The following GRM7 variants were observed in gnomAD, a reference collection of about 807,000 sequenced individuals.
The protein encoded by GRM7 is metabotropic glutamate receptor 7.
A neutral mutation model predicts 84.5 loss-of-function variants in GRM7; 35 were observed. The ratio of observed to expected loss-of-function variants is 0.41; its 90% confidence interval spans 0.32 to 0.55. The LOEUF is 0.55. Ranked by LOEUF, GRM7 falls within the 20% of genes least tolerant of loss-of-function variation. The pLI is 0.19. For synonymous variants in GRM7, 487 were observed against 455.1 expected (o/e 1.07, Z -0.89); for missense variants, 1,003 against 1,194.6 (o/e 0.84, Z 2.36).
At chr3:7,425,953 C>A (rs1217167719) in intron 5 of GRM7, among the ~76,000 whole-genome samples, 3 of 152,050 alleles carry the variant, frequency 2.0e-5, no homozygotes, top group Admixed American at 1.3e-4. Context: ...TCAATAGATT[C>A]TTTCTTTCCT....
intron 1 of GRM7, among the ~76,000 whole-genome samples, chr3:6,933,737 A>T (rs965636171): frequency 2.9e-5 from 3 of 104,798 alleles, no homozygotes; most frequent in African/African-American, 7.2e-5. Flanking sequence ...AAAGAAAATT[A>T]AAAAAAAAAA....
At chr3:7,495,587 G>T (rs1176014492) in intron 7 of GRM7, among the ~76,000 whole-genome samples, 1 of 151,950 alleles carries the variant, frequency 6.6e-6, no homozygotes, top group Admixed American at 6.6e-5. Context: ...TCTCTCAAGA[G>T]AAAAAAAGAA....
chr3:7,701,162 A>G (rs1701211339), intron 9 of GRM7, among the ~76,000 whole-genome samples: 1 of 152,180 alleles, frequency 6.6e-6, no homozygotes. Flanking sequence ...AAGCTCTGGC[A>G]TAACGATACA....
At chr3:7,441,886 T>G (rs1268598923) in intron 5 of GRM7, among the ~76,000 whole-genome samples, 1 of 152,188 alleles carries the variant, frequency 6.6e-6, no homozygotes, top group African/African-American at 2.4e-5. Context: ...TGTAGCCTTA[T>G]AGTATAGCTT....
chr3:7,631,681 A>G (rs1697866275), intron 8 of GRM7, among the ~76,000 whole-genome samples: 1 of 152,168 alleles, frequency 6.6e-6, no homozygotes, highest in Non-Finnish European at 1.5e-5. Context: ...TGTGCATTGT[A>G]GGATATATAA....
chr3:7,568,694 C>T lies in GRM7; in HGVS notation c.1516-9728C>T, dbSNP rs571152581. Among the ~76,000 whole-genome samples, 9 of 152,228 alleles carry T rather than the reference C, an allele frequency of 5.9e-5. No individual in the cohort carries two copies. In the East Asian group the frequency reaches 7.8e-4, roughly 13 times the overall value. On this transcript the variant is annotated intron_variant, in intron 7 of 9. Coordinates refer to ENST00000357716, the MANE Select transcript of GRM7 (RefSeq NM_000844.4). Reference sequence around the variant, plus strand: ...CTCGGCGGCCCAGCACTCAGAGCAGCGGGCCGGCCCTGCCGGCCCTGGGCA... The same window carrying T: ...CTCGGCGGCCCAGCACTCAGAGCAGTGGGCCGGCCCTGCCGGCCCTGGGCA...
At chr3:7,631,689 T>A (rs1454594371) in intron 8 of GRM7, among the ~76,000 whole-genome samples, 1 of 152,116 alleles carries the variant, frequency 6.6e-6, no homozygotes, top group East Asian at 1.9e-4. Flanking sequence ...GTAGGATATA[T>A]AACAACATCC....
intron 1 of GRM7, among the ~76,000 whole-genome samples, chr3:6,916,451 T>C (rs906761133): frequency 1.3e-5 from 2 of 152,094 alleles, no homozygotes; most frequent in Non-Finnish European, 2.9e-5. Flanking sequence ...GTCACTGAAA[T>C]GAGCAATAAA....
intron 1 of GRM7, among the ~76,000 whole-genome samples, chr3:7,032,318 C>T (rs537833957): frequency 1.7e-3 from 262 of 152,272 alleles, no homozygotes; most frequent in African/African-American, 5.8e-3. Flanking sequence ...GACATTTATC[C>T]TGTGAGTTAT....
intron 1 of GRM7, among the ~76,000 whole-genome samples, chr3:7,084,667 C>G (rs1416900027): frequency 6.6e-6 from 1 of 152,066 alleles, no homozygotes; most frequent in Non-Finnish European, 1.5e-5. Flanking sequence ...CTATTAGTCA[C>G]TCAAGTAGAG....
chr3:7,672,749 C>T (rs763056031), intron 8 of GRM7, among the ~76,000 whole-genome samples: 19 of 152,012 alleles, frequency 1.2e-4, no homozygotes, highest in Admixed American at 8.5e-4. Context: ...GGACTACAGG[C>T]GCCCGCTATG....
intron 2 of GRM7, among the ~76,000 whole-genome samples, chr3:7,240,722 T>C (rs539810374): frequency 6.6e-6 from 1 of 152,258 alleles, no homozygotes; most frequent in East Asian, 1.9e-4. Flanking sequence ...CACATGAAGG[T>C]AGCATGGTTT....
intron 7 of GRM7, among the ~76,000 whole-genome samples, chr3:7,485,248 A>G (rs1699277376): frequency 6.6e-6 from 1 of 152,294 alleles, no homozygotes; most frequent in Admixed American, 6.5e-5. Context: ...TGTTGGGGTA[A>G]TTTGTTACAC....
At chr3:7,187,894 C>T (rs1238885558) in intron 2 of GRM7, among the ~76,000 whole-genome samples, 2 of 152,112 alleles carry the variant, frequency 1.3e-5, no homozygotes, top group African/African-American at 4.8e-5. Flanking sequence ...CCAAGCCCTA[C>T]CTTCAGAGTG....
intron 5 of GRM7, among the ~76,000 whole-genome samples, chr3:7,425,764 A>G (rs1262909573): frequency 2.0e-5 from 3 of 152,210 alleles, no homozygotes; most frequent in Non-Finnish European, 2.9e-5. Flanking sequence ...TTAAAATTAA[A>G]TTTAAAAAAA....
intron 2 of GRM7, among the ~76,000 whole-genome samples, chr3:7,261,894 C>T (rs982493824): frequency 2.4e-5 from 1 of 41,688 alleles, no homozygotes; most frequent in Non-Finnish European, 5.0e-5. Context: ...AATTCCCTCC[C>T]TCCCTCCCTC....
chr3:7,284,705 G>A (rs551440656), intron 2 of GRM7, among the ~76,000 whole-genome samples: 1 of 151,922 alleles, frequency 6.6e-6, no homozygotes, highest in Non-Finnish European at 1.5e-5. Flanking sequence ...CTACTGCTTG[G>A]TCTTGGGCAA....
intron 7 of GRM7, among the ~76,000 whole-genome samples, chr3:7,525,536 A>T (rs1330480944): frequency 6.6e-6 from 1 of 151,952 alleles, no homozygotes; most frequent in Non-Finnish European, 1.5e-5. Context: ...GAGTTTTTAC[A>T]TTTTTATGTT....
intron 4 of GRM7, among the ~76,000 whole-genome samples, chr3:7,379,461 A>G (rs1304280136): frequency 6.6e-5 from 10 of 152,192 alleles, no homozygotes; most frequent in Non-Finnish European, 8.8e-5. Flanking sequence ...TGACTTGCCT[A>G]AGACTTACCA....
Sources: allele counts gnomAD v4.1 joint callset (sites outside exome capture counted in the v4.1 genomes callset), GRCh38; gene constraint gnomAD v4.1.1; transcripts MANE v1.5; gene names NCBI Gene and HGNC (gene_info 2026-07-23, HGNC 2026-07-21).